UBOX5: variants seen among roughly 807,000 people sequenced by gnomAD.
UBOX5 encodes the protein RING finger protein 37.
In UBOX5, 28 loss-of-function variants were observed where a neutral mutation model predicts 39.0. The ratio of observed to expected loss-of-function variants is 0.72; its 90% CI spans 0.53 to 0.98. UBOX5 has a LOEUF of 0.98. Ranked by LOEUF, UBOX5 falls within the 50% of genes least tolerant of loss-of-function variation. The probability of loss-of-function intolerance (pLI) is 0.00; values close to 1 mark genes in which losing one functional copy is unlikely to be tolerated. For synonymous variants in UBOX5, 283 were observed against 275.5 expected (o/e 1.03, Z -0.27); for missense variants, 585 against 674.4 (o/e 0.87, Z 1.47).
At chr20:3,132,757 T>C (rs976065217) in intron 1 of UBOX5, among the ~76,000 whole-genome samples, 2 of 148,898 alleles carry the variant, frequency 1.3e-5, no homozygotes, top group African/African-American at 5.0e-5. Flanking sequence ...GAGACGGAGG[T>C]TGCAGTGAGC....
chr20:3,145,600 G>C (rs1159890875), intron 1 of UBOX5, among the ~76,000 whole-genome samples: 1 of 152,058 alleles, frequency 6.6e-6, no homozygotes, highest in Non-Finnish European at 1.5e-5. Context: ...CACCACGCCT[G>C]GCTAATTTTA....
At chr20:3,139,992 A>C (rs1223443527) in intron 1 of UBOX5, among the ~76,000 whole-genome samples, 5 of 145,636 alleles carry the variant, frequency 3.4e-5, no homozygotes, top group African/African-American at 1.3e-4. Context: ...ATAGGCATGA[A>C]CCACCACACT....
chr20:3,140,222 A>G (rs2066506816), intron 1 of UBOX5, among the ~76,000 whole-genome samples: 2 of 151,684 alleles, frequency 1.3e-5, no homozygotes, highest in African/African-American at 2.4e-5. Context: ...GGGTTTCACT[A>G]TGTTGGCTAG....
At chr20:3,138,559 A>G (rs1026537935) in intron 1 of UBOX5, among the ~76,000 whole-genome samples, 1 of 152,146 alleles carries the variant, frequency 6.6e-6, no homozygotes, top group Admixed American at 6.5e-5. Context: ...GGGAAGTGCA[A>G]GGGAAGGGCC....
intron 1 of UBOX5, among the ~76,000 whole-genome samples, chr20:3,145,295 G>C (rs556137676): frequency 8.6e-5 from 13 of 152,034 alleles, no homozygotes; most frequent in Non-Finnish European, 1.5e-4. Context: ...TGGACTACAG[G>C]TGTGCATCAC....
intron 1 of UBOX5, among the ~76,000 whole-genome samples, chr20:3,154,736 G>C (rs2066666541): frequency 6.6e-6 from 1 of 152,056 alleles, no homozygotes; most frequent in African/African-American, 2.4e-5. Context: ...TCCCTATTCA[G>C]TTGAGAATAA....
chr20:3,115,230 C>T (rs2066284058), intron 4 of UBOX5, 75 bp downstream of exon 4: 3 of 1,503,046 alleles, frequency 2.0e-6, no homozygotes, highest in East Asian at 4.8e-5. Context: ...CCCCCAGGGA[C>T]TCGGCCCAGC....
At chr20:3,137,240 C>G (rs2066479298) in intron 1 of UBOX5, among the ~76,000 whole-genome samples, 1 of 151,938 alleles carries the variant, frequency 6.6e-6, no homozygotes, top group Non-Finnish European at 1.5e-5. Context: ...CCACCACACC[C>G]AACCAGAAAT....
At chr20:3,116,608 CT>C in intron 3 of UBOX5, 1 of 152,308 alleles carries the variant, frequency 6.6e-6, no homozygotes, top group Non-Finnish European at 1.5e-5. Flanking sequence ...GTCTAAGGAC[CT>C]TTTTCCTTGT....
At chr20:3,114,172 AG>A (rs1297416039) in intron 4 of UBOX5, among the ~76,000 whole-genome samples, 9 of 152,290 alleles carry the variant, frequency 5.9e-5, no homozygotes, top group Middle Eastern at 3.4e-3. Context: ...GAGTGCTGTC[AG>A]GGCGGCAGGA....
At chr20:3,146,186 C>T (rs2066560396) in intron 1 of UBOX5, among the ~76,000 whole-genome samples, 1 of 151,784 alleles carries the variant, frequency 6.6e-6, no homozygotes, top group Admixed American at 6.6e-5. Flanking sequence ...GCTAAAAAGA[C>T]AAAAATTATC....
chr20:3,142,487 C>G (rs1043768288), intron 1 of UBOX5, among the ~76,000 whole-genome samples: 1 of 151,624 alleles, frequency 6.6e-6, no homozygotes, highest in African/African-American at 2.4e-5. Context: ...GCCTATAATC[C>G]TAGCTACTAT....
In UBOX5 at chr20:3,115,340, C is replaced by T. The variant is rs1280242678; in HGVS notation, c.1382G>A (p.Gly461Glu). The change falls in exon 4 of 5, where the codon GGG (glycine) becomes GAG (glutamate). Residue 461 changes from glycine (G) to glutamate (E), a missense_variant. Gly to Glu is a moderately conservative substitution (Grantham distance 98). Transcript: ENST00000217173. ...GCCAGGCCTCCAGGAAGTGTTGCTC[C>T]CTCTTGTGCCAAGGTGCTGGAGCTG... ...RGQLQHLGTRGSNTSWRPGTG... is the reference protein window; with the variant it reads ...RGQLQHLGTRESNTSWRPGTG... The T allele has an allele frequency of 1.2e-6, 2 of 1,613,572 alleles. No individual in the cohort carries two copies. The highest frequency in any genetic ancestry group is 2.2e-5 in the East Asian group (1 of 44,826).
At chr20:3,142,172 A>G (rs919616591) in intron 1 of UBOX5, among the ~76,000 whole-genome samples, 10 of 151,860 alleles carry the variant, frequency 6.6e-5, no homozygotes, top group Non-Finnish European at 4.4e-5. Context: ...AGAAAAAAAA[A>G]AAAAAAAGGT....
intron 4 of UBOX5, among the ~76,000 whole-genome samples, chr20:3,111,028 C>T (rs1008173824): frequency 1.3e-5 from 2 of 152,166 alleles, no homozygotes; most frequent in Non-Finnish European, 2.9e-5. Context: ...GCTCCTGACT[C>T]CTCAGTCCCC....
intron 1 of UBOX5, among the ~76,000 whole-genome samples, chr20:3,131,167 T>C (rs2066426470): frequency 6.6e-6 from 1 of 151,240 alleles, no homozygotes; most frequent in African/African-American, 2.4e-5. Context: ...AAGCAGAGGT[T>C]GCAGTGAGCC....
In UBOX5 at chr20:3,122,399, G is replaced by A. The variant is rs930687580; in HGVS notation, c.240C>T (p.Gly80=). The A allele has an allele frequency of 4.3e-6, 7 of 1,614,044 alleles. No homozygotes were observed. The African/African-American group carries it at 8.0e-5, about 18-fold the overall frequency. The change falls in exon 3 of 5, where the codon GGC becomes GGT. Residue 80 remains glycine (G), a synonymous_variant. Transcript: ENST00000217173. ...ATGAGGCAGATGTGTACATTTCCAGGCCAGTGACGTTCTGACCTCCCCCAG... is the reference window on the plus strand; with the variant it reads ...ATGAGGCAGATGTGTACATTTCCAGACCAGTGACGTTCTGACCTCCCCCAG... ...LTAGGGQNVT[G]LEMYTSASSS...
At chr20:3,126,652 A>AAGAC (rs777553643) in intron 1 of UBOX5, among the ~76,000 whole-genome samples, 1 of 151,498 alleles carries the variant, frequency 6.6e-6, no homozygotes, top group Non-Finnish European at 1.5e-5. Flanking sequence ...GGAGGGAGAG[A>AAGAC]AGACAGAGAA....
intron 1 of UBOX5, among the ~76,000 whole-genome samples, chr20:3,132,073 G>A (rs2066433670): frequency 6.6e-6 from 1 of 150,950 alleles, no homozygotes; most frequent in African/African-American, 2.4e-5. Flanking sequence ...ACTTTGGGAG[G>A]CCAAGGCGTG....
Sources: allele counts gnomAD v4.1 joint callset (sites outside exome capture counted in the v4.1 genomes callset), GRCh38; gene constraint gnomAD v4.1.1; transcripts MANE v1.5; gene names NCBI Gene and HGNC (gene_info 2026-07-23, HGNC 2026-07-21).